C10orf53: variants seen among roughly 807,000 people sequenced by gnomAD.
C10orf53 encodes UPF0728 protein C10orf53.
A neutral mutation model predicts 9.4 loss-of-function variants in C10orf53; 8 were observed. The observed-to-expected ratio is 0.85, with a 90% confidence interval of 0.50 to 1.53. C10orf53 has a LOEUF of 1.53. C10orf53 is among the 40% of genes most tolerant of loss of function. The pLI is 0.00. For synonymous variants in C10orf53, 48 were observed against 46.0 expected (o/e 1.04, Z -0.18); for missense variants, 117 against 117.8 (o/e 0.99, Z 0.03).
intron 1 of C10orf53, among the ~76,000 whole-genome samples, chr10:49,682,404 G>A (rs1013222900): frequency 9.9e-5 from 15 of 152,108 alleles, no homozygotes; most frequent in African/African-American, 3.1e-4. Flanking sequence ...TCGTGGTCTC[G>A]CTGACTTCAG....
At chr10:49,708,134 C>A (rs1840735387) in intron 2 of C10orf53, among the ~76,000 whole-genome samples, 1 of 152,122 alleles carries the variant, frequency 6.6e-6, no homozygotes, top group South Asian at 2.1e-4. Context: ...GCCCTGATTT[C>A]TTTGTTACAT....
At chr10:49,694,435 T>C (rs1840614623) in intron 2 of C10orf53, 103 bp from the exon 3 acceptor site, 4 of 1,474,138 alleles carry the variant, frequency 2.7e-6, no homozygotes, top group Non-Finnish European at 9.4e-7. Flanking sequence ...TACCAGCCCA[T>C]GGCCTTTGAA....
exon 3 of C10orf53, chr10:49,708,759 T>TC (rs1428051821): frequency 7.9e-7 from 1 of 1,269,700 alleles, no homozygotes; most frequent in African/African-American, 1.5e-5. Flanking sequence ...CAGCTAGATG[T>TC]CCCACAGGCA....
At chr10:49,691,832 T>C (rs1758037928) in intron 1 of C10orf53, among the ~76,000 whole-genome samples, 1 of 152,232 alleles carries the variant, frequency 6.6e-6, no homozygotes, top group African/African-American at 2.4e-5. Flanking sequence ...CCACAGTCCA[T>C]GCACCCTCAC....
downstream of C10orf53, among the ~76,000 whole-genome samples, chr10:49,698,999 T>G (rs1840659267): frequency 6.6e-6 from 1 of 152,138 alleles, no homozygotes; most frequent in South Asian, 2.1e-4. Flanking sequence ...GGTATCAATC[T>G]TCTGAATTGT....
chr10:49,681,905 G>A (rs749970607), intron 1 of C10orf53, among the ~76,000 whole-genome samples: 1 of 152,156 alleles, frequency 6.6e-6, no homozygotes, highest in Non-Finnish European at 1.5e-5. Flanking sequence ...TGAAGTTGGG[G>A]GAAGGGGGGC....
intron 1 of C10orf53, among the ~76,000 whole-genome samples, chr10:49,690,902 A>G (rs1392094292): frequency 6.6e-6 from 1 of 152,142 alleles, no homozygotes; most frequent in Non-Finnish European, 1.5e-5. Context: ...CGGCATTTAA[A>G]TCATTCGCAG....
intron 2 of C10orf53, among the ~76,000 whole-genome samples, chr10:49,705,434 A>C (rs1201831881): frequency 1.3e-5 from 2 of 152,206 alleles, no homozygotes; most frequent in Non-Finnish European, 2.9e-5. Context: ...GCCAGACCCT[A>C]GCATAGCAGA....
At chr10:49,684,435 T>C (rs1840507940) in intron 1 of C10orf53, among the ~76,000 whole-genome samples, 1 of 152,244 alleles carries the variant, frequency 6.6e-6, no homozygotes, top group African/African-American at 2.4e-5. Context: ...TGAATCTGTA[T>C]AATCCTTTGG....
chr10:49,679,669 C>A lies in C10orf53; in HGVS notation c.-29C>A. On this transcript the variant is annotated 5_prime_UTR_variant, in exon 1 of 3. Coordinates refer to ENST00000374111, the MANE Select transcript of C10orf53 (RefSeq NM_001042427.3). Reference sequence around the variant, plus strand: ...GTTGCTTAGCAGCGTGTGTTTCTCCCTTGCCTCTGCGGCGGCGGAGGCCTG... The same window carrying A: ...GTTGCTTAGCAGCGTGTGTTTCTCCATTGCCTCTGCGGCGGCGGAGGCCTG... 1.9e-6 allele frequency: 3 copies of A among 1,543,192 alleles called. No homozygotes were observed. The highest frequency in any genetic ancestry group is 2.6e-6 in the Non-Finnish European group (3 of 1,143,602).
chr10:49,700,305 G>T (rs1840672066), downstream of C10orf53, among the ~76,000 whole-genome samples: 1 of 152,222 alleles, frequency 6.6e-6, no homozygotes, highest in Non-Finnish European at 1.5e-5. Context: ...CAGGCCAAAT[G>T]CACTGAGAGA....
At chr10:49,701,604 C>T (rs1840683705), downstream of C10orf53, among the ~76,000 whole-genome samples, 1 of 152,176 alleles carries the variant, frequency 6.6e-6, no homozygotes, top group Non-Finnish European at 1.5e-5. Context: ...CTCTGCCTTC[C>T]TCGTGCTGCT....
chr10:49,704,449 T>C lies in C10orf53; in HGVS notation c.218-3912T>C, dbSNP rs1840708540. On this transcript the variant is annotated intron_variant, in intron 2 of 2. Coordinates refer to the C10orf53 transcript ENST00000374112. ...TAATAAGATAAATGCAAATTGAAAC[T>C]GAGATACTAGGCCAGGCGCAGTAGC... Among the ~76,000 whole-genome samples, 7 of 152,244 alleles carry C rather than the reference T, an allele frequency of 4.6e-5. No individual in the cohort carries two copies. In the South Asian group the frequency reaches 1.2e-3, roughly 27 times the overall value.
intron 2 of C10orf53, among the ~76,000 whole-genome samples, chr10:49,702,681 A>C (rs1052724399): frequency 3.3e-5 from 5 of 152,204 alleles, no homozygotes; most frequent in African/African-American, 1.2e-4. Flanking sequence ...CTCAGCCTCC[A>C]TAATTGTGAC....
chr10:49,688,111 C>G (rs1258268), intron 1 of C10orf53, among the ~76,000 whole-genome samples: 145,178 of 152,160 alleles, frequency 0.95, 69,546 homozygotes, highest in Middle Eastern at 1. Context: ...GTAGCCACTG[C>G]CATGTTGAGT....
At chr10:49,679,819 C>T (rs1840462484) in intron 1 of C10orf53, 25 bp downstream of exon 1, 1 of 1,518,576 alleles carries the variant, frequency 6.6e-7, no homozygotes, top group East Asian at 2.6e-5. Context: ...CGCGTGCGCC[C>T]CTGAGGGCCC....
intron 1 of C10orf53, among the ~76,000 whole-genome samples, chr10:49,685,858 AT>A (rs1272843523): frequency 6.6e-6 from 1 of 152,108 alleles, no homozygotes; most frequent in Non-Finnish European, 1.5e-5. Context: ...TTGGATAGGT[AT>A]TTTCATGTCT....
chr10:49,682,132 G>A (rs935333295), intron 1 of C10orf53, among the ~76,000 whole-genome samples: 1 of 152,104 alleles, frequency 6.6e-6, no homozygotes, highest in Non-Finnish European at 1.5e-5. Context: ...TTTTAACCAT[G>A]TTAAGCATAC....
In C10orf53 at chr10:49,685,360, G is replaced by GT. The variant is rs200287193; in HGVS notation, c.97+5567dup. ...TAATTTTGCCCAGCTGTAGGCTAATGTAAGTGTTCTCAGCATTTTTAAAGT... is the reference window on the plus strand; with the variant it reads ...TAATTTTGCCCAGCTGTAGGCTAATGTTAAGTGTTCTCAGCATTTTTAAAGT... On this transcript the variant is annotated intron_variant, in intron 1 of 2. Coordinates refer to ENST00000374111, the MANE Select transcript of C10orf53 (RefSeq NM_001042427.3). Among the ~76,000 whole-genome samples the GT allele has an allele frequency of 5.2e-3, 797 of 152,278 alleles. 20 individuals carry two copies. The East Asian group carries it at 0.063, about 12-fold the overall frequency.
Sources: allele counts gnomAD v4.1 joint callset (sites outside exome capture counted in the v4.1 genomes callset), GRCh38; gene constraint gnomAD v4.1.1; transcripts MANE v1.5; gene names NCBI Gene and HGNC (gene_info 2026-07-23, HGNC 2026-07-21).